The following NELL1 variants were observed in gnomAD, a reference collection of about 807,000 sequenced individuals.
NELL1 encodes protein kinase C-binding protein NELL1.
NELL1 carries 76 observed loss-of-function variants against 107.4 expected under a neutral mutation model. The ratio of observed to expected loss-of-function variants is 0.71; its 90% CI spans 0.59 to 0.86. The LOEUF (loss-of-function observed/expected upper bound fraction) is 0.86. Ranked by LOEUF, NELL1 falls within the 40% of genes least tolerant of loss-of-function variation. The probability of loss-of-function intolerance (pLI) is 0.00; values close to 1 mark genes in which losing one functional copy is unlikely to be tolerated. For missense variants in NELL1, 1,024 were observed against 1,005.5 expected (o/e 1.02, Z -0.25); for synonymous variants, 353 against 341.2 (o/e 1.03, Z -0.38).
chr11:21,105,033 T>A (rs1435540480), intron 12 of NELL1, among the ~76,000 whole-genome samples: 2 of 152,126 alleles, frequency 1.3e-5, no homozygotes, highest in Non-Finnish European at 2.9e-5. Flanking sequence ...ACCAACATAT[T>A]GTGAGGTAGG....
chr11:20,804,171 G>T (rs1366783366), intron 3 of NELL1, among the ~76,000 whole-genome samples: 4 of 152,110 alleles, frequency 2.6e-5, no homozygotes, highest in African/African-American at 4.8e-5. Context: ...GCTGTATCAT[G>T]TAGGTTTTGG....
intron 5 of NELL1, among the ~76,000 whole-genome samples, chr11:20,905,124 G>T (rs1849966485): frequency 6.6e-6 from 1 of 151,604 alleles, no homozygotes; most frequent in African/African-American, 2.4e-5. Flanking sequence ...ACAGGTGTGA[G>T]CCACCTTGCC....
intron 13 of NELL1, among the ~76,000 whole-genome samples, chr11:21,150,897 T>A (rs73448562): frequency 0.013 from 1,935 of 152,188 alleles, 50 homozygotes; most frequent in African/African-American, 0.044. Context: ...AGGAGACTTA[T>A]AATCATGGTG....
intron 5 of NELL1, among the ~76,000 whole-genome samples, chr11:20,905,631 A>C (rs534836806): frequency 6.6e-6 from 1 of 152,280 alleles, no homozygotes; most frequent in African/African-American, 2.4e-5. Flanking sequence ...TGAGAAGTAC[A>C]ACTGGAATAA....
intron 2 of NELL1, among the ~76,000 whole-genome samples, chr11:20,770,430 G>A (rs1005664462): frequency 6.6e-6 from 1 of 152,174 alleles, no homozygotes; most frequent in Non-Finnish European, 1.5e-5. Context: ...ATTTCTTGGA[G>A]CTTCTGTTCA....
rs74483047 is a variant in NELL1, at chr11:21,072,742, T to C, written c.1301-40847T>C. ...AAGTGAAGAACGTATGCTTCAAAGC[T>C]ATAATGAGACTTGGCTGCCTCAGGC... On this transcript the variant is annotated intron_variant, in intron 12 of 19. Coordinates refer to ENST00000357134, the MANE Select transcript of NELL1 (RefSeq NM_006157.5). 5.4e-3 allele frequency among the ~76,000 whole-genome samples: 824 copies of C among 152,322 alleles called. 6 individuals are homozygous for C. The highest frequency in any genetic ancestry group is 0.019 in the African/African-American group (791 of 41,586).
At chr11:20,751,213 T>G (rs1178887155) in intron 2 of NELL1, among the ~76,000 whole-genome samples, 1 of 152,172 alleles carries the variant, frequency 6.6e-6, no homozygotes, top group Non-Finnish European at 1.5e-5. Flanking sequence ...TCTAGGTTCT[T>G]TTCATTTTAA....
At chr11:21,170,682 C>T (rs1856586260) in intron 13 of NELL1, among the ~76,000 whole-genome samples, 1 of 127,906 alleles carries the variant, frequency 7.8e-6, no homozygotes, top group African/African-American at 3.1e-5. Flanking sequence ...TATATATATA[C>T]TGTAGTTTAT....
chr11:20,750,299 G>A (rs935262396), intron 2 of NELL1, among the ~76,000 whole-genome samples: 3 of 152,012 alleles, frequency 2.0e-5, no homozygotes, highest in Non-Finnish European at 4.4e-5. Flanking sequence ...ACTTGTAGGA[G>A]TTCTTTATTC....
chr11:21,473,081 C>T (rs1295978542), intron 15 of NELL1, among the ~76,000 whole-genome samples: 1 of 151,940 alleles, frequency 6.6e-6, no homozygotes, highest in Non-Finnish European at 1.5e-5. Context: ...ATAAAAGATG[C>T]ACAGATAAGC....
chr11:21,026,798 T>C (rs1459383978), intron 12 of NELL1, among the ~76,000 whole-genome samples: 2 of 152,162 alleles, frequency 1.3e-5, no homozygotes, highest in Non-Finnish European at 2.9e-5. Flanking sequence ...CCTTTATAGA[T>C]GAGAAACATG....
chr11:21,262,349 ACTTTT>A (rs1424375919), intron 14 of NELL1, among the ~76,000 whole-genome samples: 1 of 151,666 alleles, frequency 6.6e-6, no homozygotes, highest in Non-Finnish European at 1.5e-5. Context: ...TACTGTGCTT[ACTTTT>A]CTTAGTTGAC....
chr11:21,367,827 T>C (rs930563838), intron 14 of NELL1, among the ~76,000 whole-genome samples: 3 of 152,088 alleles, frequency 2.0e-5, no homozygotes, highest in Non-Finnish European at 2.9e-5. Context: ...CCATATAATT[T>C]CTGCCAGCCC....
At chr11:21,538,821 T>C (rs1856213488) in intron 16 of NELL1, among the ~76,000 whole-genome samples, 2 of 152,176 alleles carry the variant, frequency 1.3e-5, no homozygotes, top group African/African-American at 4.8e-5. Flanking sequence ...AAAATAAGAT[T>C]CAGACTCCTC....
chr11:20,797,482 C>A (rs1290969021), intron 3 of NELL1, among the ~76,000 whole-genome samples: 5 of 136,486 alleles, frequency 3.7e-5, no homozygotes, highest in African/African-American at 5.4e-5. Flanking sequence ...AGGAGAATGG[C>A]GTGAACCTGG....
At chr11:21,124,744 G>T (rs1315930766) in intron 13 of NELL1, among the ~76,000 whole-genome samples, 1 of 151,974 alleles carries the variant, frequency 6.6e-6, no homozygotes, top group East Asian at 1.9e-4. Context: ...TGGGATTACA[G>T]GCATGCACCA....
chr11:20,851,303 T>C (rs1848791145), intron 4 of NELL1, among the ~76,000 whole-genome samples: 1 of 152,184 alleles, frequency 6.6e-6, no homozygotes, highest in East Asian at 1.9e-4. Flanking sequence ...GTTCAACACT[T>C]TCTGCTTGCT....
chr11:21,245,361 C>T (rs1858463774), intron 14 of NELL1, among the ~76,000 whole-genome samples: 1 of 152,158 alleles, frequency 6.6e-6, no homozygotes, highest in Non-Finnish European at 1.5e-5. Flanking sequence ...AACCTGCTTC[C>T]TCAGGTTATA....
At chr11:21,057,950 G>C (rs1375175088) in intron 12 of NELL1, among the ~76,000 whole-genome samples, 2 of 152,044 alleles carry the variant, frequency 1.3e-5, no homozygotes, top group South Asian at 4.1e-4. Flanking sequence ...GGCAGAGTTT[G>C]TTGATTAAAA....
Sources: allele counts gnomAD v4.1 joint callset (sites outside exome capture counted in the v4.1 genomes callset), GRCh38; gene constraint gnomAD v4.1.1; transcripts MANE v1.5; gene names NCBI Gene and HGNC (gene_info 2026-07-23, HGNC 2026-07-21).